CSMD1: variants seen among roughly 807,000 people sequenced by gnomAD.
CSMD1 encodes CUB and sushi domain-containing protein 1.
CSMD1 carries 213 observed loss-of-function variants against 417.5 expected under a neutral mutation model. That is an observed-to-expected ratio of 0.51 (90% CI 0.46 to 0.57). The LOEUF is 0.57. Among genes scored for constraint, CSMD1 ranks in the 20% least tolerant of loss-of-function variants. The pLI is 0.00. For missense variants in CSMD1, 6,923 were observed against 4,529.7 expected (o/e 1.53, Z -15.17); for synonymous variants, 2,862 against 1,736.8 (o/e 1.65, Z -16.11).
intron 3 of CSMD1, among the ~76,000 whole-genome samples, chr8:4,380,739 C>G (rs746106141): frequency 9.9e-5 from 15 of 152,182 alleles, no homozygotes; most frequent in African/African-American, 2.7e-4. Flanking sequence ...GCACTTCATA[C>G]TGTCCTCACG....
intron 5 of CSMD1, among the ~76,000 whole-genome samples, chr8:3,866,282 A>C (rs1157525706): frequency 6.6e-6 from 1 of 152,210 alleles, no homozygotes; most frequent in Admixed American, 6.5e-5. Context: ...TTTTTAAATA[A>C]ATACTTCTTA....
At chr8:4,649,475 G>A (rs948841556) in intron 1 of CSMD1, among the ~76,000 whole-genome samples, 5 of 152,268 alleles carry the variant, frequency 3.3e-5, no homozygotes, top group East Asian at 1.9e-4. Context: ...CATATACAAA[G>A]CAAAGAAATG....
chr8:3,251,060 T>C (rs1457284158), intron 26 of CSMD1, among the ~76,000 whole-genome samples: 5 of 152,190 alleles, frequency 3.3e-5, no homozygotes, highest in South Asian at 2.1e-4. Context: ...AGAAGCTCTT[T>C]AGTTTAATTA....
At chr8:3,317,433 A>C (rs372188555) in intron 23 of CSMD1, among the ~76,000 whole-genome samples, 3 of 152,184 alleles carry the variant, frequency 2.0e-5, no homozygotes, top group Admixed American at 6.5e-5. Flanking sequence ...ACTCAATCAC[A>C]CAAGTGTGGA....
intron 65 of CSMD1, 77 bp from the exon 66 acceptor site, chr8:2,951,352 C>T (rs1166577886): frequency 5.7e-6 from 8 of 1,403,684 alleles, no homozygotes; most frequent in Middle Eastern, 1.8e-4. Context: ...ACACAGAAGG[C>T]ATCATACTGC....
intron 1 of CSMD1, among the ~76,000 whole-genome samples, chr8:4,753,927 C>T (rs1171528678): frequency 2.6e-5 from 4 of 152,106 alleles, no homozygotes; most frequent in Non-Finnish European, 2.9e-5. Flanking sequence ...CCAGCACATG[C>T]GAGATGCTTT....
intron 4 of CSMD1, among the ~76,000 whole-genome samples, chr8:4,001,714 A>G (rs1815687813): frequency 6.6e-6 from 1 of 152,208 alleles, no homozygotes; most frequent in Admixed American, 6.5e-5. Flanking sequence ...GGAGACCCAT[A>G]GTTCACTGGG....
intron 4 of CSMD1, among the ~76,000 whole-genome samples, chr8:4,022,872 G>A (rs1385479637): frequency 1.3e-5 from 2 of 152,226 alleles, no homozygotes; most frequent in African/African-American, 2.4e-5. Flanking sequence ...AATTCACATA[G>A]TTAAGAAGCA....
chr8:4,234,667 CTAAA>C (rs1172359740), intron 3 of CSMD1, among the ~76,000 whole-genome samples: 3 of 152,252 alleles, frequency 2.0e-5, no homozygotes, highest in African/African-American at 4.8e-5. Flanking sequence ...ATGGCAGGTG[CTAAA>C]TAAACACTTG....
chr8:3,744,319 C>A (rs1250983352), intron 6 of CSMD1, among the ~76,000 whole-genome samples: 1 of 152,138 alleles, frequency 6.6e-6, no homozygotes, highest in Non-Finnish European at 1.5e-5. Context: ...AGAGCATCTA[C>A]TCTGCCTGTG....
intron 1 of CSMD1, among the ~76,000 whole-genome samples, chr8:4,933,593 C>T (rs1280996523): frequency 1.3e-5 from 2 of 152,094 alleles, no homozygotes; most frequent in African/African-American, 4.8e-5. Flanking sequence ...TGCAACAAGC[C>T]TCTCCGGCAC....
At chr8:4,036,983 GTGT>G (rs1797654866) in intron 3 of CSMD1, among the ~76,000 whole-genome samples, 3 of 151,708 alleles carry the variant, frequency 2.0e-5, no homozygotes, top group Non-Finnish European at 4.4e-5. Context: ...GTGTGTGTGT[GTGT>G]GTGTGTGTGT....
At chr8:4,440,922 G>A (rs1172838414) in intron 2 of CSMD1, among the ~76,000 whole-genome samples, 4 of 151,180 alleles carry the variant, frequency 2.6e-5, no homozygotes, top group South Asian at 2.1e-4. Flanking sequence ...ACTTGAACCC[G>A]GGAGGCGGAG....
chr8:3,064,753 G>T (rs930310229), intron 49 of CSMD1, among the ~76,000 whole-genome samples: 2 of 152,070 alleles, frequency 1.3e-5, no homozygotes, highest in African/African-American at 4.8e-5. Context: ...ATGCTTTATG[G>T]GTTCTTTCCG....
At chr8:3,847,029 G>A (rs780575697) in intron 5 of CSMD1, among the ~76,000 whole-genome samples, 2 of 152,098 alleles carry the variant, frequency 1.3e-5, no homozygotes, top group Admixed American at 6.6e-5. Flanking sequence ...ATCAGATGAT[G>A]CCTCTTAGCA....
chr8:3,645,025 T>C (rs1797509571), intron 7 of CSMD1, among the ~76,000 whole-genome samples: 2 of 150,388 alleles, frequency 1.3e-5, no homozygotes, highest in African/African-American at 5.0e-5. Context: ...ATTTCTTCCT[T>C]TCTGTCCTCT....
At chr8:4,588,619 T>C (rs1398564781) in intron 2 of CSMD1, among the ~76,000 whole-genome samples, 1 of 151,710 alleles carries the variant, frequency 6.6e-6, no homozygotes, top group Non-Finnish European at 1.5e-5. Context: ...ACCCCATCCC[T>C]ACTAAAAACA....
Position 2,936,976 on chromosome 8 carries a change from C to T in CSMD1, c.*1609G>A, listed in dbSNP as rs1391163207. The stretch of plus-strand genomic sequence containing the variant: ...AAAATGTGAAACAGAGAAAATCTGC[C>T]ACAATTGAATAGGAACTGAAATATC... On this transcript the variant is annotated 3_prime_UTR_variant, in exon 70 of 70. Coordinates refer to ENST00000635120, the MANE Select transcript of CSMD1 (RefSeq NM_033225.6). 1 of 152,138 alleles carries T rather than the reference C, an allele frequency of 6.6e-6. No individual in the cohort carries two copies. The highest frequency in any genetic ancestry group is 1.5e-5 in the Non-Finnish European group (1 of 68,028). 9.4% of individuals were successfully genotyped at this position (152,138 alleles called of 1,614,324 possible). A position where few individuals can be genotyped will look rare whatever the true frequency, so the allele number is the denominator to read the frequency against.
intron 3 of CSMD1, among the ~76,000 whole-genome samples, chr8:4,332,406 A>G (rs1411211895): frequency 6.6e-6 from 1 of 152,128 alleles, no homozygotes; most frequent in Non-Finnish European, 1.5e-5. Flanking sequence ...AGGATAGTAT[A>G]AATTCTTTCT....
Sources: gnomAD v4.1 joint callset for allele counts (sites outside exome capture counted in the v4.1 genomes callset) on GRCh38, gnomAD v4.1.1 for gene constraint, MANE v1.5 for transcripts, NCBI Gene and HGNC (gene_info 2026-07-23, HGNC 2026-07-21) for gene names.